SFMBT2: variants seen among roughly 807,000 people sequenced by gnomAD.
SFMBT2 encodes the protein Scm like with four mbt domains 2, also known as scm-like with four MBT domains protein 2.
SFMBT2 carries 38 observed loss-of-function variants against 110.1 expected under a neutral mutation model. The ratio of observed to expected loss-of-function variants is 0.35; its 90% CI spans 0.27 to 0.45. The LOEUF (loss-of-function observed/expected upper bound fraction) is 0.45. Among genes scored for constraint, SFMBT2 ranks in the 20% least tolerant of loss-of-function variants. The pLI is 1.00. For synonymous variants in SFMBT2, 425 were observed against 425.4 expected (o/e 1.00, Z 0.01); for missense variants, 1,011 against 1,094.9 (o/e 0.92, Z 1.08).
In SFMBT2 at chr10:7,172,725, GGAGA is replaced by G. The variant is rs2131532529; in HGVS notation, c.1985-68_1985-65del. The G allele has an allele frequency of 4.0e-6, 6 of 1,511,698 alleles. No individual in the cohort carries two copies. The East Asian group carries it at 7.1e-5, about 18-fold the overall frequency. 93.6% of individuals were successfully genotyped at this position (1,511,698 alleles called of 1,614,324 possible). ...ACACACACAGACATGAACAGAGAGA[GGAGA>G]GAGAAAGAAGGGAAACGATTCTTTC... is the stretch of plus-strand genomic sequence containing the variant. On this transcript the variant is annotated intron_variant, in intron 17 of 20. Transcript: ENST00000397167. This position sits in a 1 kb window ranked among gnomAD's most constrained non-coding sequence, Gnocchi z 4.6.
At chr10:7,401,678 C>T (rs1157396560) in intron 1 of SFMBT2, among the ~76,000 whole-genome samples, 1 of 152,144 alleles carries the variant, frequency 6.6e-6, no homozygotes, top group Non-Finnish European at 1.5e-5. Context: ...ATCTTCCTCC[C>T]CAAAACCTCC....
At chr10:7,290,551 C>T (rs1190254330) in intron 4 of SFMBT2, among the ~76,000 whole-genome samples, 1 of 152,086 alleles carries the variant, frequency 6.6e-6, no homozygotes, top group Admixed American at 6.6e-5. Context: ...TATAAAGCTG[C>T]CGAGCTGGAC....
At chr10:7,175,612 C>T (rs1281215337) in intron 17 of SFMBT2, among the ~76,000 whole-genome samples, 2 of 152,164 alleles carry the variant, frequency 1.3e-5, no homozygotes, top group Non-Finnish European at 2.9e-5. Context: ...TACACTATCC[C>T]AGAGTAAGGA....
intron 2 of SFMBT2, chr10:7,370,770 T>C (rs540345958): frequency 3.3e-4 from 310 of 945,000 alleles, no homozygotes; most frequent in Non-Finnish European, 3.8e-4. Flanking sequence ...GGCTGTGATG[T>C]AGGCTGTGAT....
chr10:7,192,726 T>G (rs1486359396), intron 15 of SFMBT2, among the ~76,000 whole-genome samples: 2 of 152,178 alleles, frequency 1.3e-5, no homozygotes, highest in African/African-American at 4.8e-5. Flanking sequence ...GATCCCAAAC[T>G]GCAGGTGACC....
intron 15 of SFMBT2, among the ~76,000 whole-genome samples, chr10:7,191,913 G>A (rs901075061): frequency 6.6e-6 from 1 of 152,112 alleles, no homozygotes; most frequent in Non-Finnish European, 1.5e-5. Flanking sequence ...TAATCTACAT[G>A]AATGGAGGCT....
chr10:7,236,095 C>T (rs1341807489), intron 9 of SFMBT2, among the ~76,000 whole-genome samples: 1 of 151,580 alleles, frequency 6.6e-6, no homozygotes, highest in Non-Finnish European at 1.5e-5. Flanking sequence ...TAGTGGTACT[C>T]TCTTATACCA....
chr10:7,238,360 C>T (rs1244795880), intron 9 of SFMBT2, among the ~76,000 whole-genome samples: 2 of 152,094 alleles, frequency 1.3e-5, no homozygotes, highest in Admixed American at 6.5e-5. Context: ...ATAATGCTTT[C>T]GTGTTTCATA....
At position 7,159,171 on chromosome 10, in the gene SFMBT2, C is replaced by T. The variant is rs1176076561; in HGVS notation, c.*4599G>A. 6.6e-6 allele frequency: 1 copy of T among 152,144 alleles called. No individual in the cohort carries two copies. Among genetic ancestry groups the T allele is most frequent in the Non-Finnish European group, 1.5e-5 (1 of 68,028 alleles). 9.4% of individuals were successfully genotyped at this position (152,144 alleles called of 1,614,324 possible). On this transcript the variant is annotated 3_prime_UTR_variant, in exon 21 of 21. Transcript: ENST00000397167. ...ACCGTCATACTTACTGGGCCAAATCCCATTACTTAGTGCCAACAATTCAGA... is the reference window on the plus strand; with the variant it reads ...ACCGTCATACTTACTGGGCCAAATCTCATTACTTAGTGCCAACAATTCAGA...
rs1588416284 is a variant in SFMBT2, at chr10:7,283,515, T to C, written c.772+389A>G. ...ATGGGTGGATGAGTAGGTGGATGGA[T>C]TGGTGAATGGACAGACTGAGAGATG... On this transcript the variant is annotated intron_variant, in intron 6 of 20. Coordinates refer to ENST00000397167, the MANE Select transcript of SFMBT2 (RefSeq NM_001387889.1). Among the ~76,000 whole-genome samples, 2 of 152,256 alleles carry C rather than the reference T, an allele frequency of 1.3e-5. 1 individual carries two copies.
chr10:7,186,459 C>CACATATAT lies in SFMBT2; in HGVS notation c.1808+2164_1808+2165insATATATGT, dbSNP rs748644225. On this transcript the variant is annotated intron_variant, in intron 16 of 20. Coordinates refer to ENST00000397167, the MANE Select transcript of SFMBT2 (RefSeq NM_001387889.1). ...ACACACACACACACACACACACACA[C>CACATATAT]ATATATATATATATAAAAATATTTT... Among the ~76,000 whole-genome samples, 636 of 126,816 alleles carry CACATATAT rather than the reference C, an allele frequency of 5.0e-3. 8 individuals are homozygous for CACATATAT. Among genetic ancestry groups the CACATATAT allele is most frequent in the African/African-American group, 0.013 (398 of 30,820 alleles). The allele number at this position is 126,816 out of a possible 152,430, so 83.2% of individuals were successfully genotyped here.
chr10:7,170,896 A>T lies in SFMBT2; in HGVS notation c.2544+32T>A. ...CATTTCAGATGCAGAGTCTCAGCAC[A>T]TCAAACAATCGACACGCGGCAACCA... is the stretch of plus-strand genomic sequence containing the variant. On this transcript the variant is annotated intron_variant, in intron 20 of 20. Transcript: ENST00000397167. This position sits in a 1 kb window ranked among gnomAD's most constrained non-coding sequence, Gnocchi z 4.6. 6.2e-7 allele frequency: 1 copy of T among 1,613,792 alleles called. No homozygotes were observed. Among genetic ancestry groups the T allele is most frequent in the Non-Finnish European group, 8.5e-7 (1 of 1,179,810 alleles).
rs1298359035 is a variant in SFMBT2 at position 7,162,166 on chromosome 10, G to A, written c.*1604C>T. 6.6e-6 allele frequency: 1 copy of A among 152,140 alleles called. No homozygotes were observed. Among genetic ancestry groups the A allele is most frequent in the East Asian group, 1.9e-4 (1 of 5,204 alleles). The allele number at this position is 152,140 out of a possible 1,614,324, so 9.4% of individuals were successfully genotyped here. On this transcript the variant is annotated 3_prime_UTR_variant, in exon 21 of 21. Transcript: ENST00000397167. ...CACAGCTTTGTCTGCACGTGACCTGGCGGATTTAACACAACTGCCCAGGAA... is the reference window on the plus strand; with the variant it reads ...CACAGCTTTGTCTGCACGTGACCTGACGGATTTAACACAACTGCCCAGGAA...
chr10:7,268,358 A>G (rs11255068), intron 7 of SFMBT2, among the ~76,000 whole-genome samples: 24,488 of 152,200 alleles, frequency 0.16, 2,207 homozygotes, highest in South Asian at 0.36. Flanking sequence ...AACCCTTCCT[A>G]GTAGTCCTTC....
intron 7 of SFMBT2, among the ~76,000 whole-genome samples, chr10:7,255,969 G>A (rs1840992626): frequency 1.3e-5 from 2 of 152,266 alleles, no homozygotes; most frequent in South Asian, 4.1e-4. Flanking sequence ...CCAGAGACAC[G>A]TCTGGTCCCA....
chr10:7,391,240 G>A (rs1336794253), intron 1 of SFMBT2, among the ~76,000 whole-genome samples: 1 of 150,374 alleles, frequency 6.7e-6, no homozygotes, highest in African/African-American at 2.4e-5. Context: ...GCCCAAGGCG[G>A]GTGGATCACG....
At chr10:7,338,065 T>C (rs1843770858) in intron 4 of SFMBT2, among the ~76,000 whole-genome samples, 1 of 152,138 alleles carries the variant, frequency 6.6e-6, no homozygotes, top group African/African-American at 2.4e-5. Context: ...TGTGACCTCC[T>C]AAACCAAACC....
chr10:7,306,417 A>G (rs1842700191), intron 4 of SFMBT2, among the ~76,000 whole-genome samples: 1 of 152,244 alleles, frequency 6.6e-6, no homozygotes, highest in African/African-American at 2.4e-5. Flanking sequence ...GAGCACAGCC[A>G]CGTCATTCAT....
intron 6 of SFMBT2, among the ~76,000 whole-genome samples, chr10:7,277,914 G>A (rs1422797286): frequency 6.6e-6 from 1 of 152,174 alleles, no homozygotes; most frequent in Admixed American, 6.5e-5. Context: ...AGCATGAAGC[G>A]ATCTATTTTG....
Sources: gnomAD v4.1 joint callset for allele counts (sites outside exome capture counted in the v4.1 genomes callset) on GRCh38, gnomAD v4.1.1 for gene constraint, Gnocchi (gnomAD v3.1) non-coding constraint, MANE v1.5 for transcripts, NCBI Gene and HGNC (gene_info 2026-07-23, HGNC 2026-07-21) for gene names.